The following APP variants were observed in gnomAD, a reference collection of about 807,000 sequenced individuals.
The protein encoded by APP is amyloid beta precursor protein.
In APP, 31 loss-of-function variants were observed where a neutral mutation model predicts 101.4. The ratio of observed to expected loss-of-function variants is 0.31; its 90% CI spans 0.23 to 0.41. The LOEUF (loss-of-function observed/expected upper bound fraction) is 0.41. APP is among the 10% of genes least tolerant of loss of function. The probability of loss-of-function intolerance (pLI) is 1.00; values close to 1 mark genes in which losing one functional copy is unlikely to be tolerated. For synonymous variants in APP, 366 were observed against 364.4 expected, an observed-to-expected ratio of 1.00 and a Z score of -0.05; for missense variants, 839 against 1,003.7, an observed-to-expected ratio of 0.84 and a Z score of 2.22.
intron 5 of APP, among the ~76,000 whole-genome samples, chr21:26,029,213 C>T (rs1200663888): frequency 6.6e-6 from 1 of 152,100 alleles, no homozygotes; most frequent in East Asian, 1.9e-4. Flanking sequence ...GCAACTGGAA[C>T]GACTCAATGA....
intron 1 of APP, among the ~76,000 whole-genome samples, chr21:26,145,213 G>A (rs1435690095): frequency 1.3e-5 from 2 of 152,184 alleles, no homozygotes; most frequent in African/African-American, 4.8e-5. Flanking sequence ...GATGTGCCAA[G>A]AGGGAGCAGC....
chr21:26,018,729 A>T (rs994689160), intron 6 of APP, among the ~76,000 whole-genome samples: 20 of 152,220 alleles, frequency 1.3e-4, no homozygotes, highest in Admixed American at 6.5e-5. Context: ...GGGCATTAAC[A>T]GTTGCTATCT....
At chr21:26,114,963 CA>C (rs1439629289) in intron 1 of APP, among the ~76,000 whole-genome samples, 4 of 152,080 alleles carry the variant, frequency 2.6e-5, no homozygotes, top group South Asian at 2.1e-4. Flanking sequence ...ATTTTTAAAA[CA>C]TTTTTTTCAA....
At chr21:26,081,814 G>A (rs1452500674) in intron 3 of APP, among the ~76,000 whole-genome samples, 2 of 152,154 alleles carry the variant, frequency 1.3e-5, no homozygotes, top group Non-Finnish European at 2.9e-5. Context: ...TCTGAAACTT[G>A]TTCTCTAGCA....
At chr21:26,090,121 G>A in intron 2 of APP, 49 bp from the exon 3 acceptor site, 2 of 1,609,580 alleles carry the variant, frequency 1.2e-6, no homozygotes, top group Admixed American at 1.7e-5. Flanking sequence ...GCAGGGGCTG[G>A]CATTTACAAG....
At chr21:25,891,975 G>A in intron 16 of APP, 107 bp from the exon 17 acceptor site, 5 of 1,167,560 alleles carry the variant, frequency 4.3e-6, no homozygotes, top group Non-Finnish European at 4.9e-6. Flanking sequence ...GGGGACATTT[G>A]GATGAGGTTA....
chr21:25,890,722 C>CAAAAAAAAAA (rs10686276), intron 17 of APP, among the ~76,000 whole-genome samples: 2 of 114,700 alleles, frequency 1.7e-5, no homozygotes, highest in Non-Finnish European at 1.7e-5. Flanking sequence ...GAGACTGTCT[C>CAAAAAAAAAA]AAAAAAAAAA....
intron 13 of APP, among the ~76,000 whole-genome samples, chr21:25,913,046 C>A (rs2039161989): frequency 6.6e-6 from 1 of 152,182 alleles, no homozygotes; most frequent in Non-Finnish European, 1.5e-5. Flanking sequence ...GTATATATTT[C>A]AGACACATCA....
intron 3 of APP, among the ~76,000 whole-genome samples, chr21:26,088,920 T>C (rs1333195232): frequency 1.3e-5 from 2 of 152,230 alleles, no homozygotes; most frequent in Non-Finnish European, 2.9e-5. Context: ...ATTTTATGTC[T>C]CAAATTATGC....
intron 1 of APP, 128 bp downstream of exon 1, chr21:26,170,436 G>T: frequency 1.0e-6 from 1 of 989,324 alleles, no homozygotes; most frequent in Non-Finnish European, 1.5e-6. Flanking sequence ...GCAAGCGGGG[G>T]CGGAGAGGAG....
At chr21:26,024,139 C>G (rs2044466628) in intron 5 of APP, among the ~76,000 whole-genome samples, 1 of 152,152 alleles carries the variant, frequency 6.6e-6, no homozygotes, top group Admixed American at 6.5e-5. Flanking sequence ...TACCACCTAG[C>G]AGGACTAGAG....
intron 6 of APP, among the ~76,000 whole-genome samples, chr21:26,013,099 C>CT (rs1371980281): frequency 6.6e-6 from 1 of 152,094 alleles, no homozygotes; most frequent in African/African-American, 2.4e-5. Context: ...GGTGGATCAC[C>CT]TGAGGTCAGG....
intron 3 of APP, among the ~76,000 whole-genome samples, chr21:26,082,840 C>T (rs7278760): frequency 0.084 from 12,742 of 151,826 alleles, 682 homozygotes; most frequent in African/African-American, 0.15. Context: ...ATCAATAAAA[C>T]GTACACAATG....
intron 3 of APP, among the ~76,000 whole-genome samples, chr21:26,059,648 TG>T (rs1222632451): frequency 1.3e-5 from 2 of 152,014 alleles, no homozygotes; most frequent in Non-Finnish European, 2.9e-5. Flanking sequence ...CCCAGCACTT[TG>T]GGAGGCCGAG....
At chr21:25,893,490 T>C (rs2037829271) in intron 16 of APP, among the ~76,000 whole-genome samples, 1 of 152,186 alleles carries the variant, frequency 6.6e-6, no homozygotes, top group South Asian at 2.1e-4. Context: ...GCTACTCCAG[T>C]GAGCACACAA....
At chr21:26,035,638 C>G (rs970253134) in intron 5 of APP, among the ~76,000 whole-genome samples, 3 of 152,120 alleles carry the variant, frequency 2.0e-5, no homozygotes, top group Non-Finnish European at 2.9e-5. Context: ...TGGTAAGCCA[C>G]GAACACAACT....
intron 2 of APP, among the ~76,000 whole-genome samples, chr21:26,104,788 T>C (rs1488692913): frequency 6.6e-6 from 1 of 152,170 alleles, no homozygotes; most frequent in Admixed American, 6.5e-5. Context: ...TGCAAAGCAA[T>C]CCTTTGGAAA....
chr21:25,953,123 G>T (rs1368866610), intron 13 of APP, among the ~76,000 whole-genome samples: 1 of 152,122 alleles, frequency 6.6e-6, no homozygotes, highest in Non-Finnish European at 1.5e-5. Flanking sequence ...ATTAGAGAGG[G>T]GGTTTCACCA....
At chr21:25,930,914 TGAATG>T (rs763556859) in intron 13 of APP, among the ~76,000 whole-genome samples, 1 of 152,060 alleles carries the variant, frequency 6.6e-6, no homozygotes, top group Non-Finnish European at 1.5e-5. Flanking sequence ...GGCTTGGAAA[TGAATG>T]GAAAGCGTCT....
Sources: gnomAD v4.1 joint callset for allele counts (sites outside exome capture counted in the v4.1 genomes callset) on GRCh38, gnomAD v4.1.1 for gene constraint, MANE v1.5 for transcripts, NCBI Gene and HGNC (gene_info 2026-07-23, HGNC 2026-07-21) for gene names.